Variants in ABTB2 observed in about 807,000 individuals in gnomAD.
ABTB2 encodes the protein ankyrin repeat and BTB domain containing 2.
ABTB2 carries 56 observed loss-of-function variants against 104.1 expected under a neutral mutation model. The ratio of observed to expected loss-of-function variants is 0.54; its 90% CI spans 0.43 to 0.67. ABTB2 has a LOEUF of 0.67. ABTB2 is among the 30% of genes least tolerant of loss of function. The pLI, the probability that ABTB2 is intolerant of heterozygous loss-of-function variation, is 0.00. For synonymous variants in ABTB2, 606 were observed against 608.2 expected (o/e 1.00, Z 0.05); for missense variants, 1,279 against 1,407.7 (o/e 0.91, Z 1.46).
chr11:34,239,005 G>C (rs973872925), intron 1 of ABTB2, among the ~76,000 whole-genome samples: 3 of 152,108 alleles, frequency 2.0e-5, no homozygotes, highest in Non-Finnish European at 4.4e-5. Context: ...TGCCTGCTTC[G>C]GCCTCCCAGA....
At chr11:34,291,591 G>T (rs1423322619) in intron 1 of ABTB2, among the ~76,000 whole-genome samples, 1 of 152,174 alleles carries the variant, frequency 6.6e-6, no homozygotes, top group Non-Finnish European at 1.5e-5. Context: ...TGCCTCCCGG[G>T]TTCAAGCAAT....
chr11:34,288,804 T>C (rs938310231), intron 1 of ABTB2, among the ~76,000 whole-genome samples: 3 of 152,172 alleles, frequency 2.0e-5, no homozygotes, highest in Non-Finnish European at 2.9e-5. Flanking sequence ...AGAAGATACA[T>C]GGAAACGCTC....
intron 1 of ABTB2, among the ~76,000 whole-genome samples, chr11:34,319,566 C>T (rs1046822856): frequency 2.0e-5 from 3 of 152,212 alleles, no homozygotes; most frequent in Non-Finnish European, 2.9e-5. Flanking sequence ...CAGACCTGAG[C>T]GTGAGCTTCC....
intron 1 of ABTB2, among the ~76,000 whole-genome samples, chr11:34,327,152 T>C (rs1024531131): frequency 8.5e-5 from 13 of 152,212 alleles, no homozygotes; most frequent in African/African-American, 3.1e-4. Context: ...AACATGACTA[T>C]TTGCTGTATA....
At chr11:34,324,710 C>T (rs187967094) in intron 1 of ABTB2, among the ~76,000 whole-genome samples, 184 of 152,372 alleles carry the variant, frequency 1.2e-3, no homozygotes, top group African/African-American at 4.2e-3. Flanking sequence ...CAAGTAGAGG[C>T]TCCCCTTTGG....
chr11:34,205,066 C>T (rs944614043), intron 1 of ABTB2, among the ~76,000 whole-genome samples: 5 of 152,064 alleles, frequency 3.3e-5, no homozygotes, highest in Admixed American at 6.6e-5. Context: ...TTCACTCGCT[C>T]GTTGAATATT....
At chr11:34,167,167 C>G (rs1852812269) in intron 7 of ABTB2, 92 bp downstream of exon 7, 1 of 1,208,702 alleles carries the variant, frequency 8.3e-7, no homozygotes, top group Non-Finnish European at 1.2e-6. Flanking sequence ...TGATTCAGGG[C>G]ACCTGCCCAC....
At chr11:34,180,385 G>C (rs184072985) in intron 3 of ABTB2, among the ~76,000 whole-genome samples, 1 of 152,236 alleles carries the variant, frequency 6.6e-6, no homozygotes, top group Non-Finnish European at 1.5e-5. Context: ...GTGTGGTGGC[G>C]AGGGTGGGTG....
intron 1 of ABTB2, among the ~76,000 whole-genome samples, chr11:34,300,679 C>T (rs1354302534): frequency 1.3e-5 from 2 of 151,598 alleles, no homozygotes; most frequent in African/African-American, 2.4e-5. Flanking sequence ...CATCTCATAG[C>T]GTTTTCATCT....
intron 3 of ABTB2, among the ~76,000 whole-genome samples, chr11:34,181,652 A>G (rs1220865039): frequency 6.6e-6 from 1 of 152,166 alleles, no homozygotes; most frequent in East Asian, 1.9e-4. Context: ...CTCTGGGAAG[A>G]CAGGGTGGGT....
At chr11:34,158,224 C>T (rs748155969) in intron 14 of ABTB2, among the ~76,000 whole-genome samples, 8 of 152,168 alleles carry the variant, frequency 5.3e-5, no homozygotes, top group African/African-American at 9.7e-5. Context: ...ACCATCCTGG[C>T]TAACATGGTA....
chr11:34,312,969 G>T (rs189553260), intron 1 of ABTB2, among the ~76,000 whole-genome samples: 4 of 152,114 alleles, frequency 2.6e-5, no homozygotes, highest in Admixed American at 1.3e-4. Flanking sequence ...AGGCCTAAAT[G>T]ATTCTAAAAT....
chr11:34,316,142 A>C (rs1854927009), intron 1 of ABTB2, among the ~76,000 whole-genome samples: 1 of 152,232 alleles, frequency 6.6e-6, no homozygotes, highest in Admixed American at 6.5e-5. Context: ...AAGGAAACTA[A>C]CATTCCAGAC....
At position 34,252,047 on chromosome 11, in the gene ABTB2, G is replaced by C. The variant is rs1020751722; in HGVS notation, c.884-47357C>G. On this transcript the variant is annotated intron_variant, in intron 1 of 16. Transcript: ENST00000435224. This position sits in a 1 kb window ranked among gnomAD's most constrained non-coding sequence, Gnocchi z 5.5. ...CCACTCCCATCCCCTCCACCCAGGGGCTTGCAATCCCAGGGAAGAGGAGAG... is the reference window on the plus strand; with the variant it reads ...CCACTCCCATCCCCTCCACCCAGGGCCTTGCAATCCCAGGGAAGAGGAGAG... 6.6e-6 allele frequency among the ~76,000 whole-genome samples: 1 copy of C among 152,140 alleles called. No individual in the cohort carries two copies. The highest frequency in any genetic ancestry group is 1.5e-5 in the Non-Finnish European group (1 of 68,024).
chr11:34,206,147 G>A (rs773049742), intron 1 of ABTB2, among the ~76,000 whole-genome samples: 1 of 152,112 alleles, frequency 6.6e-6, no homozygotes, highest in Non-Finnish European at 1.5e-5. Flanking sequence ...ATCACTTGAG[G>A]TCAGGGGTTT....
chr11:34,214,897 A>T (rs935326452), intron 1 of ABTB2, among the ~76,000 whole-genome samples: 1 of 152,190 alleles, frequency 6.6e-6, no homozygotes, highest in Non-Finnish European at 1.5e-5. Context: ...TAGAAATTTT[A>T]CCAAAAAATG....
At chr11:34,206,608 T>C (rs750300758) in intron 1 of ABTB2, among the ~76,000 whole-genome samples, 1 of 152,226 alleles carries the variant, frequency 6.6e-6, no homozygotes, top group African/African-American at 2.4e-5. Context: ...GCTGTCCTTA[T>C]GTGTGGCTGG....
intron 1 of ABTB2, among the ~76,000 whole-genome samples, chr11:34,229,769 A>G (rs1853745068): frequency 6.6e-6 from 1 of 152,258 alleles, no homozygotes; most frequent in South Asian, 2.1e-4. Context: ...AAAATCACCC[A>G]TAATCCCATC....
chr11:34,339,102 C>T (rs1178852790), intron 1 of ABTB2, among the ~76,000 whole-genome samples: 1 of 152,174 alleles, frequency 6.6e-6, no homozygotes, highest in Non-Finnish European at 1.5e-5. Flanking sequence ...GTCACATCAT[C>T]CCTGGGAGGT....
Sources: allele counts gnomAD v4.1 joint callset (sites outside exome capture counted in the v4.1 genomes callset), GRCh38; gene constraint gnomAD v4.1.1; non-coding constraint Gnocchi (gnomAD v3.1); transcripts MANE v1.5; gene names NCBI Gene and HGNC (gene_info 2026-07-23, HGNC 2026-07-21).